RNF145: variants seen among roughly 807,000 people sequenced by gnomAD.
RNF145 encodes the protein ring finger protein 145.
A neutral mutation model predicts 57.3 loss-of-function variants in RNF145; 12 were observed. The observed-to-expected ratio is 0.21, with a 90% confidence interval of 0.13 to 0.34. The LOEUF (loss-of-function observed/expected upper bound fraction) is 0.34. RNF145 is among the 10% of genes least tolerant of loss of function. RNF145 has a pLI of 1.00. For missense variants in RNF145, 429 were observed against 799.0 expected (o/e 0.54, Z 5.58); for synonymous variants, 262 against 288.3 (o/e 0.91, Z 0.92).
rs1052160628 is a variant in RNF145 at position 159,158,961 on chromosome 5, G to A, written c.1701C>T (p.Val567=). 1 of 1,613,886 alleles carries A rather than the reference G, an allele frequency of 6.2e-7. No homozygotes were observed. The highest frequency in any genetic ancestry group is 8.5e-7 in the Non-Finnish European group (1 of 1,179,832). The change falls in exon 11 of 11, where the codon GTC becomes GTT. Residue 567 remains valine, a synonymous_variant. Coordinates refer to ENST00000424310, the MANE Select transcript of RNF145 (RefSeq NM_001199383.2). ...HAGCLKKWLY[V]QETCPLCHCH... is the part of the protein sequence containing the mutation. ...AGTGGCACAGAGGGCAGGTCTCCTG[G>A]ACATACAGCCATTTCTTAAGACAGC...
chr5:159,168,739 T>C (rs1784459837), intron 8 of RNF145, 134 bp downstream of exon 8: 2 of 484,070 alleles, frequency 4.1e-6, no homozygotes, highest in Middle Eastern at 3.2e-4. Flanking sequence ...CATAAACTTG[T>C]TGAATTAACC....
chr5:159,183,761 T>C (rs1332511519), intron 3 of RNF145, among the ~76,000 whole-genome samples: 1 of 152,062 alleles, frequency 6.6e-6, no homozygotes, highest in Non-Finnish European at 1.5e-5. Context: ...ATGGATACAG[T>C]TTAAACAGGG....
chr5:159,171,088 C>T (rs1039987494), intron 6 of RNF145, among the ~76,000 whole-genome samples: 2 of 152,084 alleles, frequency 1.3e-5, no homozygotes, highest in East Asian at 1.9e-4. Flanking sequence ...CCAATGTACA[C>T]TATGATGAGA....
At chr5:159,191,461 T>G (rs1163129303) in intron 3 of RNF145, among the ~76,000 whole-genome samples, 1 of 152,170 alleles carries the variant, frequency 6.6e-6, no homozygotes, top group African/African-American at 2.4e-5. Flanking sequence ...TGGGAAGTAT[T>G]TTTGCCTACT....
intron 2 of RNF145, among the ~76,000 whole-genome samples, chr5:159,198,181 G>A (rs1370825235): frequency 2.6e-5 from 4 of 152,016 alleles, no homozygotes; most frequent in Non-Finnish European, 5.9e-5. Context: ...GGTTGATGCT[G>A]CAGTGAGCTA....
chr5:159,189,253 C>T (rs1584695598), intron 3 of RNF145, among the ~76,000 whole-genome samples: 1 of 152,228 alleles, frequency 6.6e-6, no homozygotes, highest in Non-Finnish European at 1.5e-5. Context: ...ACTCCTACAA[C>T]TTAGCAAGAA....
chr5:159,189,693 C>T (rs912216465), intron 3 of RNF145, among the ~76,000 whole-genome samples: 15 of 152,194 alleles, frequency 9.9e-5, no homozygotes, highest in South Asian at 8.3e-4. Context: ...ACAATCCAAG[C>T]GTCCATCAAA....
chr5:159,174,788 A>G (rs148224899), intron 5 of RNF145, among the ~76,000 whole-genome samples: 17 of 152,308 alleles, frequency 1.1e-4, no homozygotes, highest in African/African-American at 3.8e-4. Flanking sequence ...ATATCTTAAA[A>G]AAAAAAAAGG....
At chr5:159,164,171 T>C (rs559356248) in intron 8 of RNF145, among the ~76,000 whole-genome samples, 1 of 152,252 alleles carries the variant, frequency 6.6e-6, no homozygotes, top group South Asian at 2.1e-4. Flanking sequence ...GAAAGTTAAT[T>C]ATTATGGTAA....
At chr5:159,203,113 C>T (rs1041366602) in intron 2 of RNF145, among the ~76,000 whole-genome samples, 1 of 152,138 alleles carries the variant, frequency 6.6e-6, no homozygotes, top group Non-Finnish European at 1.5e-5. Flanking sequence ...AACCCCAAAA[C>T]AAGGACAAAT....
intron 2 of RNF145, among the ~76,000 whole-genome samples, chr5:159,195,738 A>G (rs1030316259): frequency 1.3e-5 from 2 of 152,248 alleles, no homozygotes; most frequent in African/African-American, 4.8e-5. Flanking sequence ...TGCAAACAAC[A>G]TATTTTGTAA....
At chr5:159,168,706 A>T (rs552711628) in intron 8 of RNF145, among the ~76,000 whole-genome samples, 167 bp downstream of exon 8, 2 of 152,204 alleles carry the variant, frequency 1.3e-5, no homozygotes, top group Non-Finnish European at 2.9e-5. Context: ...TAAGTCAGAC[A>T]TCTCATATAG....
In RNF145 at chr5:159,157,543, G is replaced by A. The variant is rs1784079978; in HGVS notation, c.*1127C>T. The A allele has an allele frequency of 6.5e-6, 1 of 152,680 alleles. No individual in the cohort carries two copies. The highest frequency in any genetic ancestry group is 2.1e-4 in the South Asian group (1 of 4,828). The allele number at this position is 152,680 out of a possible 1,614,324, so 9.5% of individuals were successfully genotyped here. On this transcript the variant is annotated 3_prime_UTR_variant, in exon 11 of 11. Transcript: ENST00000424310. ...GTCTGAAAAACACTTTTTGAGCCAAGCCTATTGTATAAATAAATGACTAGT... is the reference window on the plus strand; with the variant it reads ...GTCTGAAAAACACTTTTTGAGCCAAACCTATTGTATAAATAAATGACTAGT...
chr5:159,176,595 A>AT, intron 5 of RNF145, 37 bp downstream of exon 5: 2 of 1,154,920 alleles, frequency 1.7e-6, no homozygotes, highest in Non-Finnish European at 2.6e-6. Flanking sequence ...TTTATGTAGA[A>AT]TTTTATCTAC....
At chr5:159,208,347 A>T (rs1246186780) in intron 1 of RNF145, among the ~76,000 whole-genome samples, 1 of 152,184 alleles carries the variant, frequency 6.6e-6, no homozygotes, top group Non-Finnish European at 1.5e-5. Flanking sequence ...GCCACGTACC[A>T]AAAGGCTCGC....
chr5:159,179,955 A>T (rs573966677), intron 4 of RNF145, among the ~76,000 whole-genome samples: 20 of 152,258 alleles, frequency 1.3e-4, no homozygotes, highest in African/African-American at 4.1e-4. Context: ...CATTCTAGGG[A>T]AAGCATTAAT....
At chr5:159,205,199 T>G (rs139956167) in intron 1 of RNF145, among the ~76,000 whole-genome samples, 2 of 152,164 alleles carry the variant, frequency 1.3e-5, no homozygotes, top group Non-Finnish European at 2.9e-5. Context: ...GCCAATAATA[T>G]AGATTTAACA....
intron 6 of RNF145, among the ~76,000 whole-genome samples, chr5:159,170,524 A>T (rs1172702251): frequency 6.6e-6 from 1 of 152,346 alleles, no homozygotes; most frequent in African/African-American, 2.4e-5. Context: ...ATATTAACTT[A>T]TATGTATTTT....
intron 3 of RNF145, among the ~76,000 whole-genome samples, chr5:159,190,466 T>C (rs1332915993): frequency 2.0e-5 from 3 of 151,896 alleles, no homozygotes; most frequent in African/African-American, 4.8e-5. Context: ...CAGGAGGATA[T>C]CTTGAGGGCA....
Sources: allele counts gnomAD v4.1 joint callset (sites outside exome capture counted in the v4.1 genomes callset), GRCh38; gene constraint gnomAD v4.1.1; transcripts MANE v1.5; gene names NCBI Gene and HGNC (gene_info 2026-07-23, HGNC 2026-07-21).